The following IL16 variants were observed in gnomAD, a reference collection of about 807,000 sequenced individuals.
IL16 encodes the protein pro-interleukin-16.
Under a neutral mutation model 110.1 loss-of-function variants are expected in IL16, and 67 were observed. The observed-to-expected ratio is 0.61, with a 90% confidence interval of 0.50 to 0.75. IL16 has a LOEUF of 0.75. Among genes scored for constraint, IL16 ranks in the 30% least tolerant of loss-of-function variants. The pLI, the probability that IL16 is intolerant of heterozygous loss-of-function variation, is 0.00. For missense variants in IL16, 1,545 were observed against 1,655.0 expected (o/e 0.93, Z 1.15); for synonymous variants, 689 against 662.9 (o/e 1.04, Z -0.61).
chr15:81,213,397 T>C (rs1252335379), intron 1 of IL16, among the ~76,000 whole-genome samples: 1 of 152,206 alleles, frequency 6.6e-6, no homozygotes, highest in East Asian at 1.9e-4. Flanking sequence ...AGATGTCTAG[T>C]AGGTCCAACT....
At chr15:81,289,631 G>T (rs919435681) in intron 10 of IL16, among the ~76,000 whole-genome samples, 1 of 151,982 alleles carries the variant, frequency 6.6e-6, no homozygotes, top group African/African-American at 2.4e-5. Context: ...AGGTTGTTTT[G>T]TTGTTGTTGT....
intron 2 of IL16, among the ~76,000 whole-genome samples, chr15:81,230,620 G>A (rs1896938355): frequency 6.6e-6 from 1 of 152,156 alleles, no homozygotes; most frequent in Non-Finnish European, 1.5e-5. Flanking sequence ...CTTAAGGAAA[G>A]GTCTCAGCCA....
At chr15:81,278,379 G>T (rs1161208571) in intron 6 of IL16, among the ~76,000 whole-genome samples, 1 of 152,208 alleles carries the variant, frequency 6.6e-6, no homozygotes, top group Non-Finnish European at 1.5e-5. Flanking sequence ...AGATTAAGAA[G>T]GGATAGGAGG....
chr15:81,225,263 G>C (rs1459193165), intron 1 of IL16, 36 bp from the exon 2 acceptor site: 1 of 1,469,910 alleles, frequency 6.8e-7, no homozygotes, highest in South Asian at 1.4e-5. Context: ...TCAGCAGCAA[G>C]TCACATTGCT....
chr15:81,219,809 T>A (rs1896554293), intron 1 of IL16, among the ~76,000 whole-genome samples: 1 of 152,144 alleles, frequency 6.6e-6, no homozygotes. Context: ...TCACATGATG[T>A]TGGTGCAGGA....
Position 81,300,161 on chromosome 15 carries a change from G to C in IL16, c.2835G>C (p.Leu945=). Reference sequence around the variant, plus strand: ...GCCCGGACCCGCTCCTAAGGCTGCTGTCAACACAGGCTGAGGAATCTCAAG... The same window carrying C: ...GCCCGGACCCGCTCCTAAGGCTGCTCTCAACACAGGCTGAGGAATCTCAAG... The part of the protein sequence containing the change: ...PPGPDPLLRL[L]STQAEESQGP... Residue 945 remains leucine, a synonymous_variant, in exon 14 of 19, where the codon CTG becomes CTC. Transcript: ENST00000683961. 6.2e-7 allele frequency: 1 copy of C among 1,613,964 alleles called. No individual in the cohort carries two copies. The highest frequency in any genetic ancestry group is 1.3e-5 in the African/African-American group (1 of 75,036).
At chr15:81,267,195 T>G (rs1375735508) in intron 4 of IL16, among the ~76,000 whole-genome samples, 1 of 152,154 alleles carries the variant, frequency 6.6e-6, no homozygotes, top group Non-Finnish European at 1.5e-5. Flanking sequence ...ATCCAGGTCC[T>G]TGGGAACAGG....
At chr15:81,229,964 C>G (rs757847326) in intron 2 of IL16, among the ~76,000 whole-genome samples, 1 of 152,050 alleles carries the variant, frequency 6.6e-6, no homozygotes, top group Non-Finnish European at 1.5e-5. Flanking sequence ...TATAAACAGC[C>G]AACTTTTTTT....
chr15:81,226,318 T>C (rs987138220), intron 2 of IL16, among the ~76,000 whole-genome samples: 1 of 152,238 alleles, frequency 6.6e-6, no homozygotes, highest in Non-Finnish European at 1.5e-5. Flanking sequence ...CTTTCTGTTA[T>C]ATCATATTTC....
In IL16 at chr15:81,306,195, C is replaced by T. The variant is rs762785200; in HGVS notation, c.3679+29C>T. On this transcript the variant is annotated intron_variant, in intron 17 of 18. Coordinates refer to ENST00000683961, the MANE Select transcript of IL16 (RefSeq NM_172217.5). ...AGTTCTCCCAACTCAGTGGAAGCCA[C>T]ATGGGCCACATCCTCTTTGGCCATT... The T allele has an allele frequency of 3.7e-5, 59 of 1,604,396 alleles. 1 individual carries two copies. Among genetic ancestry groups the T allele is most frequent in the Non-Finnish European group, 4.6e-5 (54 of 1,175,026 alleles).
chr15:81,183,031 G>T, intron 1 of IL16: 2 of 448,034 alleles, frequency 4.5e-6, no homozygotes, highest in South Asian at 3.4e-5. Context: ...GTGAGTGTGT[G>T]TGTGCACACG....
chr15:81,195,246 G>A (rs751354252), upstream of IL16, among the ~76,000 whole-genome samples: 2 of 152,138 alleles, frequency 1.3e-5, no homozygotes, highest in East Asian at 1.9e-4. Context: ...GGAGGAGGGG[G>A]GCTGTGGGGC....
rs758578332 is a variant in IL16, at chr15:81,299,778, C to A, written c.2452C>A (p.Pro818Thr). ...GLPDPALSTQ[P>T]APASREHLGS... ...CCCTGATCCTGCCTTGTCCACCCAG[C>A]CAGCACCTGCTTCCAGGGAGCACCT... Residue 818 changes from proline to threonine, a missense_variant, in exon 14 of 19, where the codon CCA becomes ACA. By Grantham distance (38) the Pro-to-Thr change is conservative. Transcript: ENST00000683961. 6 of 1,614,006 alleles carry A rather than the reference C, an allele frequency of 3.7e-6. No individual in the cohort carries two copies. The highest frequency in any genetic ancestry group is 1.3e-5 in the African/African-American group (1 of 74,930).
rs1304120781 is a variant in IL16 at position 81,311,236 on chromosome 15, A to C, written c.*2438A>C. 6.6e-6 allele frequency: 1 copy of C among 152,264 alleles called. No individual in the cohort carries two copies. Among genetic ancestry groups the C allele is most frequent in the African/African-American group, 2.4e-5 (1 of 41,478 alleles). The allele number at this position is 152,264 out of a possible 1,614,324, so 9.4% of individuals were successfully genotyped here. A position where few individuals can be genotyped will look rare whatever the true frequency, so the allele number is the denominator to read the frequency against. On this transcript the variant is annotated 3_prime_UTR_variant, in exon 19 of 19. Coordinates refer to ENST00000683961, the MANE Select transcript of IL16 (RefSeq NM_172217.5). ...AATTGTGAAGTCGTCTTAACTCACCATAAAAAGGAATCCACTCCCAGGCAG... is the reference window on the plus strand; with the variant it reads ...AATTGTGAAGTCGTCTTAACTCACCCTAAAAAGGAATCCACTCCCAGGCAG...
At chr15:81,220,817 A>AT (rs1221369901) in intron 1 of IL16, among the ~76,000 whole-genome samples, 2 of 147,088 alleles carry the variant, frequency 1.4e-5, no homozygotes, top group African/African-American at 2.5e-5. Context: ...AAAAATGAAA[A>AT]GGAAGGAAGG....
intron 2 of IL16, among the ~76,000 whole-genome samples, chr15:81,228,407 G>A (rs1419364217): frequency 1.3e-5 from 2 of 149,824 alleles, no homozygotes; most frequent in Admixed American, 1.3e-4. Flanking sequence ...TGCAACCTCT[G>A]CCTCCTGGGT....
intron 15 of IL16, among the ~76,000 whole-genome samples, chr15:81,302,857 G>A (rs1900356369): frequency 6.6e-6 from 1 of 152,182 alleles, no homozygotes; most frequent in Non-Finnish European, 1.5e-5. Context: ...GCGCTCTGCA[G>A]TTCCTATCAC....
chr15:81,293,272 C>A (rs1899827824), intron 12 of IL16, among the ~76,000 whole-genome samples: 1 of 152,242 alleles, frequency 6.6e-6, no homozygotes, highest in East Asian at 1.9e-4. Context: ...CCACCCATAA[C>A]ACACTGGAAT....
chr15:81,189,120 ATTTTTTTT>A (rs34519204), intron 1 of IL16, among the ~76,000 whole-genome samples: 1 of 126,896 alleles, frequency 7.9e-6, no homozygotes, highest in South Asian at 2.5e-4. Flanking sequence ...TGCCAAGATA[ATTTTTTTT>A]TTTTTTTTTT....
Sources: gnomAD v4.1 joint callset for allele counts (sites outside exome capture counted in the v4.1 genomes callset) on GRCh38, gnomAD v4.1.1 for gene constraint, MANE v1.5 for transcripts, NCBI Gene and HGNC (gene_info 2026-07-23, HGNC 2026-07-21) for gene names.